ARID1A: variants seen among roughly 807,000 people sequenced by gnomAD.
ARID1A encodes AT-rich interaction domain 1A.
In ARID1A, 20 loss-of-function variants were observed where a neutral mutation model predicts 212.6. The observed-to-expected ratio is 0.09, with a 90% confidence interval of 0.07 to 0.14. The LOEUF is 0.14. Ranked by LOEUF, ARID1A falls within the 10% of genes least tolerant of loss-of-function variation. ARID1A has a pLI of 1.00. For missense variants in ARID1A, 2,587 were observed against 3,059.0 expected (o/e 0.85, Z 3.64); for synonymous variants, 1,376 against 1,222.1 (o/e 1.13, Z -2.63).
rs566225610 is a variant in ARID1A, at chr1:26,755,115, C to A, written c.1921-5741C>A. Among the ~76,000 whole-genome samples the A allele has an allele frequency of 1.3e-3, 197 of 152,256 alleles. 1 individual carries two copies. Among genetic ancestry groups the A allele is most frequent in the African/African-American group, 4.5e-3 (187 of 41,556 alleles). ...CAGCCAGACCCTGACTCAAAAAAAA[C>A]CAAACCAAAACCAAAATGGTAATGG... On this transcript the variant is annotated intron_variant, in intron 4 of 19. Coordinates refer to ENST00000324856, the MANE Select transcript of ARID1A (RefSeq NM_006015.6).
At chr1:26,722,016 C>T (rs1481830168) in intron 1 of ARID1A, among the ~76,000 whole-genome samples, 1 of 152,156 alleles carries the variant, frequency 6.6e-6, no homozygotes, top group Non-Finnish European at 1.5e-5. Flanking sequence ...GTCTATATAT[C>T]TCTAAGCCCA....
rs776157620 is a variant in ARID1A, at chr1:26,761,459, T to A, written c.2237T>A (p.Ile746Asn). 10 of 1,614,164 alleles carry A rather than the reference T, an allele frequency of 6.2e-6. No homozygotes were observed. In the South Asian group the frequency reaches 1.1e-4, roughly 18 times the overall value. Residue 746 changes from isoleucine (I) to asparagine (N), a missense_variant, in exon 6 of 20, where the codon ATT (isoleucine) becomes AAT (asparagine). Coordinates refer to ENST00000324856, the MANE Select transcript of ARID1A (RefSeq NM_006015.6). The stretch of plus-strand genomic sequence containing the variant: ...CATCCTTCCATGAACCAATCAAGCA[T>A]TGCCCAAGATCGAGGTGAGAGCCTG... ...IMHPSMNQSSIAQDRGYMQRN... is the reference protein window; with the variant it reads ...IMHPSMNQSSNAQDRGYMQRN...
rs142069738 is a variant in ARID1A at position 26,780,371 on chromosome 1, G to A, written c.6473G>A (p.Arg2158Gln). The change falls in exon 20 of 20, where the codon CGA becomes CAA. Residue 2158 changes from arginine to glutamine, a missense_variant. This residue lies in a region of ARID1A where 168 missense variants were observed against 321.0 expected (regional missense o/e 0.52). Coordinates refer to ENST00000324856, the MANE Select transcript of ARID1A (RefSeq NM_006015.6). This position sits in a 1 kb window ranked among gnomAD's most constrained non-coding sequence, Gnocchi z 7.2. Reference sequence around the variant, plus strand: ...ACTATGGTGCGCTTCCTCAGTGACCGAAAGAACCCGGTGTGCCGGGAGATG... The same window carrying A: ...ACTATGGTGCGCTTCCTCAGTGACCAAAAGAACCCGGTGTGCCGGGAGATG... The part of the protein sequence containing the change: ...YSTMVRFLSD[R>Q]KNPVCREMAV... 2.5e-6 allele frequency: 4 copies of A among 1,614,234 alleles called. No individual in the cohort carries two copies. Among genetic ancestry groups the A allele is most frequent in the African/African-American group, 1.3e-5 (1 of 75,062 alleles).
At chr1:26,776,170 G>GT (rs2081133103) in intron 19 of ARID1A, among the ~76,000 whole-genome samples, 1 of 151,908 alleles carries the variant, frequency 6.6e-6, no homozygotes, top group Non-Finnish European at 1.5e-5. Context: ...AGTGAGCAGA[G>GT]TATGTTTTTT....
intron 1 of ARID1A, among the ~76,000 whole-genome samples, chr1:26,726,227 C>A (rs2080617430): frequency 6.9e-6 from 1 of 145,450 alleles, no homozygotes; most frequent in Non-Finnish European, 1.5e-5. Context: ...GGATGGAGTG[C>A]AGTGGCTCGA....
chr1:26,741,897 G>A (rs1570585854), intron 4 of ARID1A, among the ~76,000 whole-genome samples: 1 of 152,192 alleles, frequency 6.6e-6, no homozygotes, highest in Admixed American at 6.5e-5. Flanking sequence ...GAGGAAATGC[G>A]AGGGAGCTAT....
At chr1:26,697,929 C>T (rs898799197) in intron 1 of ARID1A, among the ~76,000 whole-genome samples, 1 of 152,092 alleles carries the variant, frequency 6.6e-6, no homozygotes, top group African/African-American at 2.4e-5. Context: ...ATGAACGTTT[C>T]TTTGCTCACC....
At chr1:26,750,990 C>T (rs1468570669) in intron 4 of ARID1A, among the ~76,000 whole-genome samples, 4 of 152,026 alleles carry the variant, frequency 2.6e-5, no homozygotes, top group African/African-American at 9.7e-5. Context: ...CATGGTGGCT[C>T]ACACCTGTAA....
At chr1:26,762,491 T>G (rs549558668) in intron 7 of ARID1A, among the ~76,000 whole-genome samples, 172 bp downstream of exon 7, 1 of 152,372 alleles carries the variant, frequency 6.6e-6, no homozygotes, top group Admixed American at 6.5e-5. Context: ...TTGTCTCCAC[T>G]TATTCTGTCA....
At chr1:26,737,923 T>C (rs915268593) in intron 4 of ARID1A, among the ~76,000 whole-genome samples, 1 of 151,896 alleles carries the variant, frequency 6.6e-6, no homozygotes, top group Non-Finnish European at 1.5e-5. Flanking sequence ...ATTTGTTTCA[T>C]GTGGGGTTTG....
intron 5 of ARID1A, 88 bp from the exon 6 acceptor site, chr1:26,761,296 T>C: frequency 1.3e-6 from 2 of 1,535,180 alleles, no homozygotes; most frequent in Non-Finnish European, 1.8e-6. Flanking sequence ...GGCCTCTTCA[T>C]GAGCCATTTC....
At chr1:26,721,569 T>C (rs1174774305) in intron 1 of ARID1A, among the ~76,000 whole-genome samples, 1 of 152,196 alleles carries the variant, frequency 6.6e-6, no homozygotes, top group Non-Finnish European at 1.5e-5. Context: ...CTTAGTGGCT[T>C]TTGTAATTTG....
At chr1:26,760,342 T>A (rs1023775244) in intron 4 of ARID1A, among the ~76,000 whole-genome samples, 5 of 152,228 alleles carry the variant, frequency 3.3e-5, no homozygotes, top group Non-Finnish European at 5.9e-5. Flanking sequence ...CACAAAGGTC[T>A]AATATATATT....
chr1:26,750,043 T>C (rs1226506422), intron 4 of ARID1A, among the ~76,000 whole-genome samples: 1 of 152,202 alleles, frequency 6.6e-6, no homozygotes. Flanking sequence ...TTCTGGTCAC[T>C]AATAGCCTGA....
intron 19 of ARID1A, among the ~76,000 whole-genome samples, chr1:26,776,279 CTTTT>C (rs748452521): frequency 2.2e-5 from 3 of 136,200 alleles, no homozygotes; most frequent in Admixed American, 7.4e-5. Context: ...TAACAATATT[CTTTT>C]TTTTTTTTTT....
chr1:26,723,708 C>G (rs1167849676), intron 1 of ARID1A, among the ~76,000 whole-genome samples: 2 of 152,074 alleles, frequency 1.3e-5, no homozygotes, highest in Non-Finnish European at 2.9e-5. Context: ...GTTTGGCTCT[C>G]AGTGGGCGGT....
intron 19 of ARID1A, 174 bp from the exon 20 acceptor site, chr1:26,778,849 T>C: frequency 3.5e-6 from 2 of 571,028 alleles, no homozygotes; most frequent in Non-Finnish European, 5.8e-6. Flanking sequence ...GAACTTTGTG[T>C]TGGGCATAGA....
At chr1:26,768,873 G>A (rs2081060254) in intron 11 of ARID1A, among the ~76,000 whole-genome samples, 2 of 152,184 alleles carry the variant, frequency 1.3e-5, no homozygotes, top group African/African-American at 4.8e-5. Context: ...GGCTGAGCTC[G>A]GGGAGGTGTG....
At chr1:26,743,084 C>T (rs995590171) in intron 4 of ARID1A, among the ~76,000 whole-genome samples, 19 of 152,176 alleles carry the variant, frequency 1.2e-4, no homozygotes, top group Admixed American at 7.9e-4. Context: ...CCAGTTGTTT[C>T]GTGCGTGTTT....
Sources: allele counts gnomAD v4.1 joint callset (sites outside exome capture counted in the v4.1 genomes callset), GRCh38; gene constraint gnomAD v4.1.1; regional missense constraint gnomAD v4.1.1; non-coding constraint Gnocchi (gnomAD v3.1); transcripts MANE v1.5; gene names NCBI Gene and HGNC (gene_info 2026-07-23, HGNC 2026-07-21).